The following HEATR5A variants were observed in gnomAD, a reference collection of about 807,000 sequenced individuals.
The protein encoded by HEATR5A is HEAT repeat-containing protein 5A.
In HEATR5A, 178 loss-of-function variants were observed where a neutral mutation model predicts 218.8. The observed-to-expected ratio is 0.81, with a 90% CI of 0.72 to 0.92. HEATR5A has a LOEUF of 0.92. Ranked by LOEUF, HEATR5A falls within the 40% of genes least tolerant of loss-of-function variation. The pLI is 0.00. For synonymous variants in HEATR5A, 864 were observed against 871.6 expected, an observed-to-expected ratio of 0.99 and a Z score of 0.15; for missense variants, 2,420 against 2,418.9, an observed-to-expected ratio of 1.00 and a Z score of -0.01.
chr14:31,343,645 C>T (rs1900916205), intron 21 of HEATR5A, among the ~76,000 whole-genome samples: 2 of 152,050 alleles, frequency 1.3e-5, no homozygotes, highest in African/African-American at 4.8e-5. Flanking sequence ...AATATGTTTT[C>T]ATTGATTTAT....
chr14:31,419,558 T>C (rs1277406422), intron 1 of HEATR5A, among the ~76,000 whole-genome samples: 1 of 152,182 alleles, frequency 6.6e-6, no homozygotes, highest in Non-Finnish European at 1.5e-5. Context: ...AGGCTGTAAA[T>C]TCCTTAAGGG....
At chr14:31,351,229 T>C (rs1329141293) in intron 16 of HEATR5A, among the ~76,000 whole-genome samples, 1 of 152,200 alleles carries the variant, frequency 6.6e-6, no homozygotes, top group Non-Finnish European at 1.5e-5. Flanking sequence ...CCACAAATAT[T>C]ATATGTAACA....
At position 31,402,977 on chromosome 14, in the gene HEATR5A, C is replaced by A. The variant is rs1041656923; in HGVS notation, c.-2G>T. 6.5e-7 allele frequency: 1 copy of A among 1,535,376 alleles called. No homozygotes were observed. The highest frequency in any genetic ancestry group is 2.4e-5 in the East Asian group (1 of 40,882). On this transcript the variant is annotated 5_prime_UTR_variant, in exon 2 of 36. Coordinates refer to ENST00000543095, the MANE Select transcript of HEATR5A (RefSeq NM_015473.4). ...CAGTAAGCTATGAGCTAATTCCATTCCTTGCAGCAATCCTCCCAGCTGATC... is the reference window on the plus strand; with the variant it reads ...CAGTAAGCTATGAGCTAATTCCATTACTTGCAGCAATCCTCCCAGCTGATC...
chr14:31,404,439 C>T (rs2139310976), intron 1 of HEATR5A, among the ~76,000 whole-genome samples: 1 of 152,198 alleles, frequency 6.6e-6, no homozygotes, highest in African/African-American at 2.4e-5. Flanking sequence ...ATGTTTTTCT[C>T]CAACAGTTTA....
At chr14:31,386,621 AT>A (rs770003129) in intron 8 of HEATR5A, 46 bp from the exon 9 acceptor site, 1 of 1,501,288 alleles carries the variant, frequency 6.7e-7, no homozygotes, top group Non-Finnish European at 8.9e-7. Flanking sequence ...CTGTATTAAA[AT>A]ATATTGAAAA....
chr14:31,337,915 AAAAG>A (rs1458226038), intron 21 of HEATR5A, among the ~76,000 whole-genome samples: 3 of 152,238 alleles, frequency 2.0e-5, no homozygotes, highest in Non-Finnish European at 4.4e-5. Context: ...TTAAGAGAAA[AAAAG>A]AACTACAATG....
chr14:31,319,995 G>C (rs553637280), intron 25 of HEATR5A, among the ~76,000 whole-genome samples: 28 of 152,224 alleles, frequency 1.8e-4, no homozygotes, highest in African/African-American at 6.5e-4. Context: ...AACAGGGTAA[G>C]ACCTTGTCTC....
At chr14:31,324,366 C>T (rs1900198776) in intron 23 of HEATR5A, among the ~76,000 whole-genome samples, 1 of 152,220 alleles carries the variant, frequency 6.6e-6, no homozygotes, top group East Asian at 1.9e-4. Context: ...TACTTATTAA[C>T]TGTTACACTT....
chr14:31,308,271 G>T (rs910545867), intron 29 of HEATR5A, among the ~76,000 whole-genome samples: 3 of 152,110 alleles, frequency 2.0e-5, no homozygotes, highest in African/African-American at 7.2e-5. Flanking sequence ...ACTTTGGGAG[G>T]CCAAGGTGGG....
rs755440466 is a variant in HEATR5A, at chr14:31,374,824, G to A, written c.1853C>T (p.Ala618Val). The A allele has an allele frequency of 3.7e-6, 6 of 1,613,022 alleles. No individual in the cohort carries two copies. Among genetic ancestry groups the A allele is most frequent in the East Asian group, 4.5e-5 (2 of 44,860 alleles). Residue 618 changes from alanine (A) to valine (V), a missense_variant, in exon 12 of 36, where the codon GCA (alanine) becomes GTA (valine). Ala to Val is a moderately conservative substitution (Grantham distance 64, BLOSUM62 0). Transcript: ENST00000543095. The part of the protein sequence containing the change: ...WQVTLEGRAG[A>V]LCAIKSFVSH... ...GACTAAATCCAACCTACCACACAGT[G>A]CACCAGCTCGTCCTTCCAGGGTCAC...
chr14:31,393,713 T>C (rs1036449997), intron 6 of HEATR5A, among the ~76,000 whole-genome samples: 1 of 152,090 alleles, frequency 6.6e-6, no homozygotes, highest in Non-Finnish European at 1.5e-5. Flanking sequence ...GATTGTGCAG[T>C]GGCGCAATCT....
At chr14:31,342,176 C>T (rs1475873587) in intron 21 of HEATR5A, among the ~76,000 whole-genome samples, 1 of 151,990 alleles carries the variant, frequency 6.6e-6, no homozygotes, top group South Asian at 2.1e-4. Context: ...GGCTTGAGAC[C>T]AGAAGTTCAA....
At chr14:31,314,526 G>A (rs1899856124) in intron 27 of HEATR5A, among the ~76,000 whole-genome samples, 1 of 151,982 alleles carries the variant, frequency 6.6e-6, no homozygotes, top group South Asian at 2.1e-4. Context: ...CAAAGTGCTG[G>A]GATTACAGGT....
chr14:31,419,597 T>C (rs1191777353), intron 1 of HEATR5A, among the ~76,000 whole-genome samples: 1 of 152,336 alleles, frequency 6.6e-6, no homozygotes, highest in Non-Finnish European at 1.5e-5. Context: ...TGCTGCATAT[T>C]TGTTCAATAA....
intron 25 of HEATR5A, chr14:31,320,179 G>A (rs1379810678): frequency 1.6e-5 from 9 of 569,260 alleles, no homozygotes; most frequent in Non-Finnish European, 3.0e-5. Flanking sequence ...CAGGAATGGC[G>A]CGGAGTTGCA....
chr14:31,367,661 T>C (rs1901856112), intron 13 of HEATR5A, among the ~76,000 whole-genome samples: 1 of 138,926 alleles, frequency 7.2e-6, no homozygotes, highest in Non-Finnish European at 1.5e-5. Context: ...TCAAATGATC[T>C]ACCCACCTCA....
intron 22 of HEATR5A, among the ~76,000 whole-genome samples, chr14:31,336,137 C>T (rs145498755): frequency 6.8e-6 from 1 of 147,610 alleles, no homozygotes; most frequent in South Asian, 2.1e-4. Flanking sequence ...TACCATGACA[C>T]CTGGCTAATT....
chr14:31,333,354 T>G (rs1272395002), intron 22 of HEATR5A, among the ~76,000 whole-genome samples: 1 of 152,002 alleles, frequency 6.6e-6, no homozygotes, highest in Non-Finnish European at 1.5e-5. Context: ...GTTCAAGCTA[T>G]TCTCGTGCCT....
At chr14:31,330,121 C>A (rs943385958) in intron 22 of HEATR5A, among the ~76,000 whole-genome samples, 1 of 152,236 alleles carries the variant, frequency 6.6e-6, no homozygotes, top group Non-Finnish European at 1.5e-5. Flanking sequence ...AGAGGTTCTC[C>A]ATGAGGGCTT....
Sources: allele counts gnomAD v4.1 joint callset (sites outside exome capture counted in the v4.1 genomes callset), GRCh38; gene constraint gnomAD v4.1.1; transcripts MANE v1.5; gene names NCBI Gene and HGNC (gene_info 2026-07-23, HGNC 2026-07-21).